The following ANKFN1 variants were observed in gnomAD, a reference collection of about 807,000 sequenced individuals.
The protein encoded by ANKFN1 is ankyrin repeat and fibronectin type-III domain-containing protein 1.
ANKFN1 carries 74 observed loss-of-function variants against 108.7 expected under a neutral mutation model. The observed-to-expected ratio is 0.68, with a 90% CI of 0.56 to 0.83. The LOEUF is 0.83. Ranked by LOEUF, ANKFN1 falls within the 40% of genes least tolerant of loss-of-function variation. The probability of loss-of-function intolerance (pLI) is 0.00; values close to 1 mark genes in which losing one functional copy is unlikely to be tolerated. For missense variants in ANKFN1, 1,505 were observed against 1,382.3 expected (o/e 1.09, Z -1.41); for synonymous variants, 547 against 516.2 (o/e 1.06, Z -0.81).
intron 20 of ANKFN1, among the ~76,000 whole-genome samples, chr17:56,504,988 T>C (rs1040031505): frequency 2.0e-5 from 3 of 152,110 alleles, no homozygotes; most frequent in Non-Finnish European, 4.4e-5. Context: ...AAAGTATCTT[T>C]GACAAACTAA....
Position 56,094,675 on chromosome 17 carries a change from G to A in ANKFN1, c.288+48350G>A, listed in dbSNP as rs561207122. Among the ~76,000 whole-genome samples, 1,727 of 75,196 alleles carry A rather than the reference G, an allele frequency of 0.023. 200 individuals are homozygous for A. In the East Asian group the frequency reaches 0.33, roughly 14 times the overall value. The allele number at this position is 75,196 out of a possible 152,430, so 49.3% of individuals were successfully genotyped here. ...CACACCACCACGCCCAGCTAATTGG[G>A]TTTTTTTTTTTTTTTTTTGTATTTT... On this transcript the variant is annotated intron_variant, in intron 4 of 12. Transcript: ENST00000635860.
At chr17:56,128,415 G>A (rs1190197656) in intron 4 of ANKFN1, among the ~76,000 whole-genome samples, 2 of 152,176 alleles carry the variant, frequency 1.3e-5, no homozygotes, top group African/African-American at 4.8e-5. Context: ...TATCAGGAGT[G>A]TTGCCCCTTA....
chr17:56,321,230 G>T (rs1236144911), intron 3 of ANKFN1, among the ~76,000 whole-genome samples: 3 of 152,018 alleles, frequency 2.0e-5, no homozygotes, highest in African/African-American at 7.2e-5. Flanking sequence ...ACACCCTGGG[G>T]TGTTAGTTTT....
intron 8 of ANKFN1, among the ~76,000 whole-genome samples, chr17:56,409,699 A>T (rs1328978836): frequency 6.6e-6 from 1 of 152,206 alleles, no homozygotes; most frequent in East Asian, 1.9e-4. Context: ...AATTATTCCC[A>T]GACAGCTACA....
chr17:56,089,020 T>C (rs750764992), intron 4 of ANKFN1, among the ~76,000 whole-genome samples: 8 of 150,142 alleles, frequency 5.3e-5, no homozygotes, highest in African/African-American at 1.0e-4. Context: ...TTCTCATCTT[T>C]GGATTGTAAC....
chr17:56,458,839 A>C (rs1409465662), intron 14 of ANKFN1, among the ~76,000 whole-genome samples: 1 of 152,222 alleles, frequency 6.6e-6, no homozygotes, highest in Non-Finnish European at 1.5e-5. Context: ...TGGCCAGGCC[A>C]TGTAGGTCAC....
At chr17:56,307,092 G>A (rs1169933162) in intron 3 of ANKFN1, among the ~76,000 whole-genome samples, 1 of 152,050 alleles carries the variant, frequency 6.6e-6, no homozygotes, top group African/African-American at 2.4e-5. Context: ...ATGGATTAAA[G>A]ACTAAATGTT....
At chr17:56,499,236 A>T in intron 20 of ANKFN1, 138 bp downstream of exon 20, 1 of 789,796 alleles carries the variant, frequency 1.3e-6, no homozygotes, top group Non-Finnish European at 2.0e-6. Flanking sequence ...GTCTAACAGC[A>T]TAGAGGAAAC....
At chr17:56,374,960 T>C (rs1027962435) in intron 8 of ANKFN1, among the ~76,000 whole-genome samples, 1 of 152,194 alleles carries the variant, frequency 6.6e-6, no homozygotes, top group African/African-American at 2.4e-5. Flanking sequence ...TACTGTTTCA[T>C]TCATCTTTGC....
upstream of ANKFN1, chr17:56,153,351 A>T: frequency 1.2e-6 from 1 of 804,820 alleles, no homozygotes; most frequent in South Asian, 1.6e-5. Context: ...TGTAATCTGG[A>T]CACTCCTGGA....
At chr17:56,407,931 CTTTTTTTTTTTTTTT>C (rs761975892) in intron 8 of ANKFN1, among the ~76,000 whole-genome samples, 1 of 104,622 alleles carries the variant, frequency 9.6e-6, no homozygotes, top group African/African-American at 3.4e-5. Flanking sequence ...TCTTTTTTAT[CTTTTTTTTTTTTTTT>C]TTTTTTTTGA....
chr17:56,474,531 C>T (rs541245721), intron 15 of ANKFN1, among the ~76,000 whole-genome samples: 4 of 152,158 alleles, frequency 2.6e-5, no homozygotes, highest in Admixed American at 2.0e-4. Context: ...TTACTAGGGT[C>T]GTTCCGTGTT....
intron 1 of ANKFN1, among the ~76,000 whole-genome samples, chr17:56,168,794 A>G (rs529891858): frequency 9.2e-5 from 14 of 152,306 alleles, no homozygotes; most frequent in African/African-American, 2.9e-4. Context: ...ATAGGTGCTA[A>G]TGAATCCCAA....
intron 8 of ANKFN1, among the ~76,000 whole-genome samples, chr17:56,425,068 T>C (rs2048517792): frequency 6.6e-6 from 1 of 151,672 alleles, no homozygotes; most frequent in African/African-American, 2.4e-5. Context: ...GCTTTTGATA[T>C]GACCACGATA....
chr17:56,277,114 C>A (rs898714031), intron 3 of ANKFN1, among the ~76,000 whole-genome samples: 1 of 152,218 alleles, frequency 6.6e-6, no homozygotes. Flanking sequence ...CAAGCTCCCA[C>A]TACCATGTAA....
At chr17:56,252,921 G>C (rs78353282) in intron 3 of ANKFN1, among the ~76,000 whole-genome samples, 2 of 151,974 alleles carry the variant, frequency 1.3e-5, no homozygotes, top group African/African-American at 4.8e-5. Context: ...AATTAGCTGG[G>C]TAGGGTGGTG....
At chr17:56,305,330 A>G (rs1413022003) in intron 3 of ANKFN1, among the ~76,000 whole-genome samples, 1 of 152,168 alleles carries the variant, frequency 6.6e-6, no homozygotes. Flanking sequence ...CAGCCAAACC[A>G]TATCGTATGG....
At position 56,510,693 on chromosome 17, in the gene ANKFN1, C is replaced by T. The variant is rs1437239366; in HGVS notation, c.2865C>T (p.Pro955=). ...VKTPLGPGQD[P]QGEGPNPDHS... ...CCCCTCTGGGGCCGGGCCAGGATCC[C>T]CAGGGCGAGGGCCCAAATCCCGATC... is the stretch of plus-strand genomic sequence containing the variant. The change falls in exon 21 of 21, where the codon CCC becomes CCT. Residue 955 remains proline, a synonymous_variant. Transcript: ENST00000682825. 6.5e-7 allele frequency: 1 copy of T among 1,536,148 alleles called. No homozygotes were observed. The highest frequency in any genetic ancestry group is 2.0e-5 in the Admixed American group (1 of 51,008).
chr17:56,085,755 T>C (rs1905304714), intron 4 of ANKFN1, among the ~76,000 whole-genome samples: 1 of 151,302 alleles, frequency 6.6e-6, no homozygotes, highest in African/African-American at 2.4e-5. Flanking sequence ...CAATCCAAGG[T>C]GGTTCTTTCT....
Sources: gnomAD v4.1 joint callset for allele counts (sites outside exome capture counted in the v4.1 genomes callset) on GRCh38, gnomAD v4.1.1 for gene constraint, MANE v1.5 for transcripts, NCBI Gene and HGNC (gene_info 2026-07-23, HGNC 2026-07-21) for gene names.